The following AKR1C8 variants were observed in gnomAD, a reference collection of about 807,000 sequenced individuals.
The protein encoded by AKR1C8 is aldo-keto reductase family 1 member C-like protein 1.
chr10:5,156,567 C>T, the AKR1C8 span, among the ~76,000 whole-genome samples: 1 of 91,552 alleles, frequency 1.1e-5, no homozygotes, highest in African/African-American at 3.2e-5. Context: ...GTATTTATCT[C>T]TTTCTCTATA....
the AKR1C8 span, among the ~76,000 whole-genome samples, chr10:5,184,608 G>T: frequency 6.6e-6 from 1 of 152,132 alleles, no homozygotes; most frequent in Non-Finnish European, 1.5e-5. Context: ...CAGAGCAAAA[G>T]ATGAGAACAG....
the AKR1C8 span, among the ~76,000 whole-genome samples, chr10:5,159,334 C>T: frequency 6.6e-3 from 1,005 of 152,232 alleles, 6 homozygotes; most frequent in African/African-American, 0.023. Context: ...GATGAGTAAG[C>T]CATTAGGAAG....
the AKR1C8 span, among the ~76,000 whole-genome samples, chr10:5,151,352 G>T: frequency 1.3e-5 from 2 of 152,014 alleles, no homozygotes; most frequent in African/African-American, 2.4e-5. Flanking sequence ...GGCAGGAAAG[G>T]GTTTGTTTTG....
the AKR1C8 span, among the ~76,000 whole-genome samples, chr10:5,119,484 A>C: frequency 1.3e-5 from 2 of 152,226 alleles, no homozygotes; most frequent in African/African-American, 2.4e-5. Flanking sequence ...AAAATACACC[A>C]AATGTAAATT....
chr10:5,182,803 A>C, the AKR1C8 span, among the ~76,000 whole-genome samples: 1 of 151,890 alleles, frequency 6.6e-6, no homozygotes, highest in Non-Finnish European at 1.5e-5. Flanking sequence ...CCAGCTACTC[A>C]AGAGGCTGAG....
At chr10:5,146,228 T>C in the AKR1C8 span, among the ~76,000 whole-genome samples, 7 of 147,488 alleles carry the variant, frequency 4.7e-5, no homozygotes, top group South Asian at 2.3e-4. Flanking sequence ...AGGGATAGCA[T>C]TGGGAGATAT....
chr10:5,173,353 C>G, the AKR1C8 span, among the ~76,000 whole-genome samples: 1 of 151,904 alleles, frequency 6.6e-6, no homozygotes, highest in Admixed American at 6.6e-5. Flanking sequence ...CAGTCACTTC[C>G]CAGAGAGGGA....
chr10:5,177,722 C>T, the AKR1C8 span, among the ~76,000 whole-genome samples: 11 of 152,176 alleles, frequency 7.2e-5, no homozygotes, highest in South Asian at 4.2e-4. Context: ...GTGTATGTGT[C>T]GAGGAATTTA....
At chr10:5,132,722 A>G in the AKR1C8 span, 2 of 1,554,398 alleles carry the variant, frequency 1.3e-6, no homozygotes, top group African/African-American at 2.7e-5. Context: ...GGAAGAAACC[A>G]GCTTCTATTG....
At chr10:5,175,651 T>G in the AKR1C8 span, among the ~76,000 whole-genome samples, 4 of 152,222 alleles carry the variant, frequency 2.6e-5, no homozygotes, top group Non-Finnish European at 5.9e-5. Context: ...TTTCCTGACT[T>G]TTTAATGATT....
At chr10:5,151,270 G>A in the AKR1C8 span, among the ~76,000 whole-genome samples, 159 of 152,226 alleles carry the variant, frequency 1.0e-3, 1 homozygote, top group African/African-American at 3.5e-3. Context: ...GCCTCCAGCC[G>A]CATGACTCGT....
At chr10:5,160,770 C>G in the AKR1C8 span, 1 of 464,398 alleles carries the variant, frequency 2.2e-6, no homozygotes, top group Non-Finnish European at 4.4e-6. Context: ...GCAATTCCAA[C>G]CTCACTACAC....
At chr10:5,156,593 T>G in the AKR1C8 span, among the ~76,000 whole-genome samples, 1 of 149,112 alleles carries the variant, frequency 6.7e-6, no homozygotes, top group Non-Finnish European at 1.5e-5. Flanking sequence ...CCGTCCATCT[T>G]CTTTCTATCT....
the AKR1C8 span, among the ~76,000 whole-genome samples, chr10:5,125,471 A>G: frequency 6.6e-6 from 1 of 152,124 alleles, no homozygotes; most frequent in African/African-American, 2.4e-5. Flanking sequence ...TACCTCCCCT[A>G]GGGCAACATA....
chr10:5,145,753 C>G, the AKR1C8 span, among the ~76,000 whole-genome samples: 1 of 151,752 alleles, frequency 6.6e-6, no homozygotes, highest in Non-Finnish European at 1.5e-5. Context: ...ATTGGTGGGA[C>G]TGTCAACTAG....
chr10:5,143,385 A>T, the AKR1C8 span, among the ~76,000 whole-genome samples: 1 of 152,078 alleles, frequency 6.6e-6, no homozygotes, highest in East Asian at 1.9e-4. Flanking sequence ...GCACTCTAGG[A>T]CTTTCACCAG....
the AKR1C8 span, among the ~76,000 whole-genome samples, chr10:5,141,428 A>G: frequency 6.6e-6 from 1 of 152,072 alleles, no homozygotes; most frequent in East Asian, 1.9e-4. Flanking sequence ...TTTCTTATGA[A>G]TTTCTTACAA....
the AKR1C8 span, among the ~76,000 whole-genome samples, chr10:5,147,204 G>C: frequency 6.6e-6 from 1 of 152,104 alleles, no homozygotes; most frequent in African/African-American, 2.4e-5. Flanking sequence ...ATCAAGAAAA[G>C]AAATAATGCA....
chr10:5,116,740 T>A, the AKR1C8 span, among the ~76,000 whole-genome samples: 4 of 152,220 alleles, frequency 2.6e-5, no homozygotes, highest in Non-Finnish European at 5.9e-5. Context: ...TTCCCTTCAT[T>A]GCTGTCCTTC....
Sources: allele counts gnomAD v4.1 joint callset (sites outside exome capture counted in the v4.1 genomes callset), GRCh38; gene constraint gnomAD v4.1.1; transcripts MANE v1.5; gene names NCBI Gene and HGNC (gene_info 2026-07-23, HGNC 2026-07-21).